The following UNC13C variants were observed in gnomAD, a reference collection of about 807,000 sequenced individuals.
UNC13C encodes protein unc-13 homolog C.
Under a neutral mutation model 245.4 loss-of-function variants are expected in UNC13C, and 174 were observed. That is an observed-to-expected ratio of 0.71 (90% confidence interval 0.63 to 0.80). The LOEUF is 0.80. UNC13C is among the 30% of genes least tolerant of loss of function. The pLI, the probability that UNC13C is intolerant of heterozygous loss-of-function variation, is 0.00. For synonymous variants in UNC13C, 992 were observed against 895.1 expected, an observed-to-expected ratio of 1.11 and a Z score of -1.93; for missense variants, 2,829 against 2,602.9, an observed-to-expected ratio of 1.09 and a Z score of -1.89.
intron 19 of UNC13C, among the ~76,000 whole-genome samples, chr15:54,464,643 A>G (rs547204590): frequency 6.6e-6 from 1 of 152,114 alleles, no homozygotes; most frequent in Admixed American, 6.5e-5. Flanking sequence ...TCAAATTTTT[A>G]TTTGAATAAT....
chr15:54,385,510 A>C (rs2039818585), intron 17 of UNC13C, among the ~76,000 whole-genome samples: 2 of 149,690 alleles, frequency 1.3e-5, no homozygotes, highest in Middle Eastern at 3.4e-3. Flanking sequence ...GGAAATAGAG[A>C]ATAGAATGAT....
intron 13 of UNC13C, among the ~76,000 whole-genome samples, chr15:54,307,346 C>G (rs967963115): frequency 6.6e-6 from 1 of 151,874 alleles, no homozygotes; most frequent in Non-Finnish European, 1.5e-5. Context: ...TCTGGGGCCT[C>G]TTTTATAAGA....
intron 2 of UNC13C, among the ~76,000 whole-genome samples, chr15:54,029,881 C>T (rs1206845340): frequency 6.6e-6 from 1 of 152,178 alleles, no homozygotes; most frequent in East Asian, 1.9e-4. Flanking sequence ...TGAACACCTT[C>T]ATCTTTTCAG....
rs1013124836 is a variant in UNC13C at position 54,114,618 on chromosome 15, AT to A, written c.2984-28391del. ...TCAATAGGCATTTATACCACATCAT[AT>A]TTTTTTTTGCTACTGCAAATAATGC... On this transcript the variant is annotated intron_variant, in intron 2 of 32. Transcript: ENST00000260323. Among the ~76,000 whole-genome samples the A allele has an allele frequency of 7.3e-5, 11 of 151,612 alleles. No individual in the cohort carries two copies. In the South Asian group the frequency reaches 1.5e-3, roughly 20 times the overall value.
chr15:54,385,864 G>T (rs565921393), intron 17 of UNC13C, among the ~76,000 whole-genome samples: 146 of 152,142 alleles, frequency 9.6e-4, no homozygotes, highest in African/African-American at 3.3e-3. Context: ...GGAGAAAAAA[G>T]AATGCTCTAA....
At position 54,584,611 on chromosome 15, in the gene UNC13C, TTTTC is replaced by T. The variant is rs549588948; in HGVS notation, c.6106+16669_6106+16672del. ...TGAACTGGAAATGGAAGAAGTCAGT[TTTTC>T]TTTCCTTTAGGAGTAAGCCAATTTG... On this transcript the variant is annotated intron_variant, in intron 30 of 32. Transcript: ENST00000260323. Among the ~76,000 whole-genome samples the T allele has an allele frequency of 3.7e-4, 57 of 152,356 alleles. No homozygotes were observed. The East Asian group carries it at 0.01, about 27-fold the overall frequency.
intron 19 of UNC13C, among the ~76,000 whole-genome samples, chr15:54,455,209 A>C (rs201425710): frequency 0.18 from 4,787 of 25,928 alleles, 452 homozygotes; most frequent in African/African-American, 0.26. Context: ...CTCTCTCTAT[A>C]TATATATATA....
chr15:54,342,147 G>A (rs2038749242), intron 17 of UNC13C, among the ~76,000 whole-genome samples: 2 of 151,944 alleles, frequency 1.3e-5, no homozygotes, highest in Non-Finnish European at 2.9e-5. Context: ...TCAATCTTTT[G>A]TGTGTGTTTC....
chr15:53,887,820 T>A, the UNC13C span, among the ~76,000 whole-genome samples: 1 of 152,202 alleles, frequency 6.6e-6, no homozygotes, highest in African/African-American at 2.4e-5. Context: ...TTTCTATTCT[T>A]GTGATAGTTT....
intron 8 of UNC13C, among the ~76,000 whole-genome samples, chr15:54,260,045 G>A (rs746832754): frequency 2.0e-5 from 3 of 151,430 alleles, no homozygotes; most frequent in African/African-American, 4.9e-5. Context: ...TTTTATCTTC[G>A]GCTCCCCCAA....
rs1234523968 is a variant in UNC13C at position 54,015,782 on chromosome 15, T to C, written c.2879T>C (p.Val960Ala). The change falls in exon 2 of 33, where the codon GTG becomes GCG. Residue 960 changes from valine (V) to alanine (A), a missense_variant. Physicochemically the swap from Val to Ala is moderately conservative, Grantham distance 64 (BLOSUM62 0). Transcript: ENST00000260323. ...DENQNIPEQP[V>A]EITKPKRIRP... ...AACCAAAACATTCCTGAACAGCCAG[T>C]GGAGATCACAAAGCCAAAGAGAATT... The C allele has an allele frequency of 6.2e-7, 1 of 1,612,422 alleles. No individual in the cohort carries two copies. Among genetic ancestry groups the C allele is most frequent in the Non-Finnish European group, 8.5e-7 (1 of 1,179,108 alleles).
intron 2 of UNC13C, among the ~76,000 whole-genome samples, chr15:54,070,603 A>T (rs1365924056): frequency 6.6e-6 from 1 of 152,122 alleles, no homozygotes; most frequent in Admixed American, 6.6e-5. Context: ...TAAAAAATTT[A>T]CATATAAATA....
rs77763209 is a variant in UNC13C, at chr15:54,531,544, G to A, written c.5547-1373G>A. 7.0e-3 allele frequency among the ~76,000 whole-genome samples: 1,068 copies of A among 152,198 alleles called. 11 individuals are homozygous for A. The highest frequency in any genetic ancestry group is 0.025 in the African/African-American group (1,019 of 41,520). On this transcript the variant is annotated intron_variant, in intron 25 of 32. Transcript: ENST00000260323. Reference sequence around the variant, plus strand: ...TACTCCAATGGTTAGAGGTCAGGCAGTTGAGAAGGAGCAGCCTGTGAGGTC... The same window carrying A: ...TACTCCAATGGTTAGAGGTCAGGCAATTGAGAAGGAGCAGCCTGTGAGGTC...
chr15:54,007,549 G>A (rs1046650533), intron 1 of UNC13C, among the ~76,000 whole-genome samples: 2 of 152,150 alleles, frequency 1.3e-5, no homozygotes, highest in Non-Finnish European at 2.9e-5. Flanking sequence ...TCATAAGTGG[G>A]AGCTATACAA....
chr15:54,152,506 T>A (rs1224417646), intron 4 of UNC13C, among the ~76,000 whole-genome samples: 1 of 152,196 alleles, frequency 6.6e-6, no homozygotes, highest in East Asian at 1.9e-4. Flanking sequence ...AATTAATGAA[T>A]CTTAGCTACA....
chr15:54,109,499 G>A (rs77563536), intron 2 of UNC13C, among the ~76,000 whole-genome samples: 4 of 150,644 alleles, frequency 2.7e-5, no homozygotes, highest in Admixed American at 1.3e-4. Context: ...GCACCACCAC[G>A]CCCAGCTAAT....
At position 54,402,115 on chromosome 15, in the gene UNC13C, C is replaced by T. The variant is rs76338069; in HGVS notation, c.4847+8934C>T. Among the ~76,000 whole-genome samples, 707 of 150,210 alleles carry T rather than the reference C, an allele frequency of 4.7e-3. 35 individuals are homozygous for T. In the East Asian group the frequency reaches 0.1, roughly 22 times the overall value. On this transcript the variant is annotated intron_variant, in intron 18 of 32. Coordinates refer to ENST00000260323, the MANE Select transcript of UNC13C (RefSeq NM_001080534.3). ...TTTGAATTCTTAGGATCTAGGTGAACGGTTCATTTCCTACAAGCAATCAGT... is the reference window on the plus strand; with the variant it reads ...TTTGAATTCTTAGGATCTAGGTGAATGGTTCATTTCCTACAAGCAATCAGT...
chr15:54,283,819 G>A (rs1299713565), intron 10 of UNC13C, among the ~76,000 whole-genome samples: 1 of 152,104 alleles, frequency 6.6e-6, no homozygotes, highest in Non-Finnish European at 1.5e-5. Flanking sequence ...GTGCAACTGA[G>A]CAACTTTCCC....
At chr15:54,381,562 A>G (rs1567228146) in intron 17 of UNC13C, among the ~76,000 whole-genome samples, 1 of 152,086 alleles carries the variant, frequency 6.6e-6, no homozygotes, top group South Asian at 2.1e-4. Context: ...TATTTTAACA[A>G]TACTACACTT....
Sources: gnomAD v4.1 joint callset for allele counts (sites outside exome capture counted in the v4.1 genomes callset) on GRCh38, gnomAD v4.1.1 for gene constraint, MANE v1.5 for transcripts, NCBI Gene and HGNC (gene_info 2026-07-23, HGNC 2026-07-21) for gene names.